Variants in CNP observed in about 807,000 individuals in gnomAD.
The protein encoded by CNP is 2',3'-cyclic-nucleotide 3'-phosphodiesterase.
In CNP, 8 loss-of-function variants were observed where a neutral mutation model predicts 37.9. The observed-to-expected ratio is 0.21, with a 90% CI of 0.12 to 0.38. The LOEUF (loss-of-function observed/expected upper bound fraction) is 0.38, where lower values mean the gene tolerates loss of function less well. Among genes scored for constraint, CNP ranks in the 10% least tolerant of loss-of-function variants. The probability of loss-of-function intolerance (pLI) is 1.00; values close to 1 mark genes in which losing one functional copy is unlikely to be tolerated. For missense variants in CNP, 457 were observed against 551.0 expected (o/e 0.83, Z 1.71); for synonymous variants, 237 against 238.3 (o/e 0.99, Z 0.05).
Position 41,973,577 on chromosome 17 carries a change from C to A in CNP, c.919C>A (p.Leu307Met). 6.2e-7 allele frequency: 1 copy of A among 1,614,252 alleles called. No individual in the cohort carries two copies. Among genetic ancestry groups the A allele is most frequent in the Non-Finnish European group, 8.5e-7 (1 of 1,180,040 alleles). ...CCGGGTGGAGTTAAGCGAGCAGCAACTGCAGTTGTGGCCGAGTGATGTGGA... is the reference window on the plus strand; with the variant it reads ...CCGGGTGGAGTTAAGCGAGCAGCAAATGCAGTTGTGGCCGAGTGATGTGGA... ...GARVELSEQQ[L>M]QLWPSDVDKL... Residue 307 changes from leucine (L) to methionine (M), a missense_variant, in exon 4 of 4, where the codon CTG becomes ATG. By Grantham distance (15) the Leu-to-Met change is conservative. Transcript: ENST00000393892.
intron 1 of CNP, chr17:41,967,722 A>G (rs1598100041): frequency 5.6e-6 from 6 of 1,065,648 alleles, no homozygotes; most frequent in East Asian, 1.3e-4. Context: ...GCCCAGACAC[A>G]GAGACCCCCA....
rs1439167152 is a variant in CNP at position 41,977,376 on chromosome 17, A to T, written c.*3452A>T. ...GGGAAGAAAAGGTGAAAAATTAGAA[A>T]TGTTCGAAGAGAACTGATGACACTG... On this transcript the variant is annotated 3_prime_UTR_variant, in exon 4 of 4. Transcript: ENST00000393892. 6.8e-7 allele frequency: 1 copy of T among 1,479,770 alleles called. No homozygotes were observed. Among genetic ancestry groups the T allele is most frequent in the Non-Finnish European group, 9.2e-7 (1 of 1,081,330 alleles). 91.7% of individuals were successfully genotyped at this position (1,479,770 alleles called of 1,614,324 possible). A position where few individuals can be genotyped will look rare whatever the true frequency, so the allele number is the denominator to read the frequency against.
Position 41,968,809 on chromosome 17 carries a change from C to G in CNP, c.676+69C>G, listed in dbSNP as rs2050941957. 1 of 1,475,222 alleles carries G rather than the reference C, an allele frequency of 6.8e-7. No individual in the cohort carries two copies. 91.4% of individuals were successfully genotyped at this position (1,475,222 alleles called of 1,614,324 possible). A position where few individuals can be genotyped will look rare whatever the true frequency, so the allele number is the denominator to read the frequency against. On this transcript the variant is annotated intron_variant, in intron 2 of 3. Coordinates refer to ENST00000393892, the MANE Select transcript of CNP (RefSeq NM_033133.5). This position sits in a 1 kb window ranked among gnomAD's most constrained non-coding sequence, Gnocchi z 4.8. ...CAGGGTGCTGCGGGCAAAGGACCAT[C>G]ATTGTACTCAAAGGATGGAGCACGA... is the stretch of plus-strand genomic sequence containing the variant.
In CNP at chr17:41,974,063, T is replaced by TAA. The variant is rs1555644316; in HGVS notation, c.*142_*143dup. 1.4e-6 allele frequency: 1 copy of TAA among 715,400 alleles called. No individual in the cohort carries two copies. Among genetic ancestry groups the TAA allele is most frequent in the African/African-American group, 1.8e-5 (1 of 54,448 alleles). The allele number at this position is 715,400 out of a possible 1,614,324, so 44.3% of individuals were successfully genotyped here. On this transcript the variant is annotated 3_prime_UTR_variant, in exon 4 of 4. Coordinates refer to ENST00000393892, the MANE Select transcript of CNP (RefSeq NM_033133.5). ...CTACCTGTAACTTTTTAAAAACTTG[T>TAA]AAAATAACTGACCCTCCCTTCCTGT... is the stretch of plus-strand genomic sequence containing the variant.
At chr17:41,972,380 C>T (rs537110590) in intron 3 of CNP, among the ~76,000 whole-genome samples, 2 of 152,100 alleles carry the variant, frequency 1.3e-5, no homozygotes, top group South Asian at 4.2e-4. Context: ...TCCTTCGCCC[C>T]CAGGGAGCCT....
Position 41,976,950 on chromosome 17 carries a change from C to T in CNP, c.*3026C>T. 2 of 710,822 alleles carry T rather than the reference C, an allele frequency of 2.8e-6. No individual in the cohort carries two copies. Among genetic ancestry groups the T allele is most frequent in the South Asian group, 2.0e-5 (1 of 50,552 alleles). 44.0% of individuals were successfully genotyped at this position (710,822 alleles called of 1,614,324 possible). A position where few individuals can be genotyped will look rare whatever the true frequency, so the allele number is the denominator to read the frequency against. The stretch of plus-strand genomic sequence containing the variant: ...AGAGGGAGCACGTGACTGTATTATA[C>T]ATGGGTAGCTTCTGACCTCAGCATT... On this transcript the variant is annotated 3_prime_UTR_variant, in exon 4 of 4. Coordinates refer to ENST00000393892, the MANE Select transcript of CNP (RefSeq NM_033133.5).
chr17:41,968,115 C>A lies in CNP; in HGVS notation c.51C>A (p.Phe17Leu). 6.2e-7 allele frequency: 1 copy of A among 1,614,254 alleles called. No individual in the cohort carries two copies. Among genetic ancestry groups the A allele is most frequent in the Non-Finnish European group, 8.5e-7 (1 of 1,180,028 alleles). ...GCCACACATTCCTGCCCAAGATCTTCTTCCGCAAGATGTCATCCTCAGGGG... is the reference window on the plus strand; with the variant it reads ...GCCACACATTCCTGCCCAAGATCTTATTCCGCAAGATGTCATCCTCAGGGG... ...RKSHTFLPKIFFRKMSSSGAK... is the reference protein window; with the variant it reads ...RKSHTFLPKILFRKMSSSGAK... Residue 17 changes from phenylalanine to leucine, a missense_variant, in exon 2 of 4, where the codon TTC becomes TTA. By Grantham distance (22) the Phe-to-Leu change is conservative. Around this residue, in one of 2 missense-constraint regions of CNP, gnomAD observed 166 missense variants for 259.3 expected, o/e 0.64. Coordinates refer to ENST00000393892, the MANE Select transcript of CNP (RefSeq NM_033133.5). The surrounding 1 kb of genome is among the most constrained non-coding windows in gnomAD (Gnocchi z 4.8).
At chr17:41,972,526 C>T (rs1027116333) in intron 3 of CNP, among the ~76,000 whole-genome samples, 8 of 152,174 alleles carry the variant, frequency 5.3e-5, no homozygotes, top group Non-Finnish European at 1.0e-4. Flanking sequence ...TGGCACCTTA[C>T]ACCCACAGCC....
intron 1 of CNP, chr17:41,967,842 G>C (rs782027063): frequency 2.9e-6 from 4 of 1,382,340 alleles, no homozygotes; most frequent in Non-Finnish European, 2.8e-6. Context: ...TTACCTTTCC[G>C]AAGTGGCAGG....
In CNP at chr17:41,966,993, G is replaced by A. The variant is rs1402547909; in HGVS notation, c.3+106G>A. ...TGCAAACGAGGACCCGGGGCTCCGGGTTCGACTTCCAGTTTTCTTGGTACT... is the reference window on the plus strand; with the variant it reads ...TGCAAACGAGGACCCGGGGCTCCGGATTCGACTTCCAGTTTTCTTGGTACT... On this transcript the variant is annotated intron_variant, in intron 1 of 3. Coordinates refer to ENST00000393892, the MANE Select transcript of CNP (RefSeq NM_033133.5). 4 of 1,215,776 alleles carry A rather than the reference G, an allele frequency of 3.3e-6. 1 individual carries two copies. The Admixed American group carries it at 1.3e-4, about 39-fold the overall frequency. 75.3% of individuals were successfully genotyped at this position (1,215,776 alleles called of 1,614,324 possible).
At chr17:41,973,062 T>C (rs1555644056) in intron 3 of CNP, among the ~76,000 whole-genome samples, 1 of 152,200 alleles carries the variant, frequency 6.6e-6, no homozygotes, top group Admixed American at 6.5e-5. Context: ...AGCTGTTGTG[T>C]GCGCGGACAC....
At position 41,976,430 on chromosome 17, in the gene CNP, A is replaced by C; in HGVS notation, c.*2506A>C. The stretch of plus-strand genomic sequence containing the variant: ...GGAGACAATGCAGATGCCAGAGCAA[A>C]GGGCCAGGAAGGGTCAAAACATTTT... On this transcript the variant is annotated 3_prime_UTR_variant, in exon 4 of 4. Coordinates refer to ENST00000393892, the MANE Select transcript of CNP (RefSeq NM_033133.5). 1 of 322,194 alleles carries C rather than the reference A, an allele frequency of 3.1e-6. No homozygotes were observed. The allele number at this position is 322,194 out of a possible 1,614,324, so 20.0% of individuals were successfully genotyped here. A position where few individuals can be genotyped will look rare whatever the true frequency, so the allele number is the denominator to read the frequency against.
intron 2 of CNP, chr17:41,970,153 G>C (rs1458449117): frequency 2.0e-5 from 3 of 152,230 alleles, no homozygotes; most frequent in African/African-American, 7.3e-5. Flanking sequence ...CTGGAGTGCA[G>C]TGGCATGATC....
chr17:41,977,300 TG>T lies in CNP; in HGVS notation c.*3377del. ...CCGCCAGGACCGCCAAAGAATGCCT[TG>T]AAGATATTGTTTGGATCAAAATCTG... On this transcript the variant is annotated 3_prime_UTR_variant, in exon 4 of 4. Transcript: ENST00000393892. 1 of 1,584,260 alleles carries T rather than the reference TG, an allele frequency of 6.3e-7. No individual in the cohort carries two copies. The highest frequency in any genetic ancestry group is 8.6e-7 in the Non-Finnish European group (1 of 1,165,196).
Position 41,976,821 on chromosome 17 carries a change from A to T in CNP, c.*2897A>T. 6.3e-7 allele frequency: 1 copy of T among 1,595,418 alleles called. No individual in the cohort carries two copies. Among genetic ancestry groups the T allele is most frequent in the Non-Finnish European group, 8.5e-7 (1 of 1,174,496 alleles). Reference sequence around the variant, plus strand: ...GTTGGCTATGGATTTTCTAAGGAAGATCACTTTGCTCTGATTATGGAAAAG... The same window carrying T: ...GTTGGCTATGGATTTTCTAAGGAAGTTCACTTTGCTCTGATTATGGAAAAG... On this transcript the variant is annotated 3_prime_UTR_variant, in exon 4 of 4. Transcript: ENST00000393892.
rs535081973 is a variant in CNP at position 41,974,214 on chromosome 17, G to A, written c.*290G>A. On this transcript the variant is annotated 3_prime_UTR_variant, in exon 4 of 4. Transcript: ENST00000393892. ...GGGATGGGGCCACAGCCAGAACCCCGAGCCCTACTTCCAGGTTCTGGTTAG... is the reference window on the plus strand; with the variant it reads ...GGGATGGGGCCACAGCCAGAACCCCAAGCCCTACTTCCAGGTTCTGGTTAG... 36 of 241,722 alleles carry A rather than the reference G, an allele frequency of 1.5e-4. No individual in the cohort carries two copies. The highest frequency in any genetic ancestry group is 4.7e-4 in the African/African-American group (21 of 44,642). The allele number at this position is 241,722 out of a possible 1,614,324, so 15.0% of individuals were successfully genotyped here. A position where few individuals can be genotyped will look rare whatever the true frequency, so the allele number is the denominator to read the frequency against.
Position 41,976,699 on chromosome 17 carries a change from C to T in CNP, c.*2775C>T. 1 of 1,606,454 alleles carries T rather than the reference C, an allele frequency of 6.2e-7. No individual in the cohort carries two copies. Among genetic ancestry groups the T allele is most frequent in the Non-Finnish European group, 8.5e-7 (1 of 1,178,040 alleles). On this transcript the variant is annotated 3_prime_UTR_variant, in exon 4 of 4. Coordinates refer to ENST00000393892, the MANE Select transcript of CNP (RefSeq NM_033133.5). Reference sequence around the variant, plus strand: ...ACATTCAAGATTAAACTGAGTGAATCTGCATTTTCTGGGTTCTGGGTGGTT... The same window carrying T: ...ACATTCAAGATTAAACTGAGTGAATTTGCATTTTCTGGGTTCTGGGTGGTT...
intron 2 of CNP, among the ~76,000 whole-genome samples, chr17:41,969,680 C>T (rs953497032): frequency 6.6e-6 from 1 of 152,104 alleles, no homozygotes; most frequent in African/African-American, 2.4e-5. Flanking sequence ...CTCAGCCTCT[C>T]GAGTAGCTAG....
At chr17:41,967,836 C>G (rs1381959784) in intron 1 of CNP, 2 of 1,379,804 alleles carry the variant, frequency 1.4e-6, no homozygotes, top group Non-Finnish European at 1.9e-6. Context: ...GCACGTTTAC[C>G]TTTCCGAAGT....
Sources: gnomAD v4.1 joint callset for allele counts (sites outside exome capture counted in the v4.1 genomes callset) on GRCh38, gnomAD v4.1.1 for gene constraint, gnomAD v4.1.1 regional missense constraint, Gnocchi (gnomAD v3.1) non-coding constraint, MANE v1.5 for transcripts, NCBI Gene and HGNC (gene_info 2026-07-23, HGNC 2026-07-21) for gene names.